Variants in NRF1 observed in about 807,000 individuals in gnomAD.
NRF1 encodes nuclear respiratory factor 1.
A neutral mutation model predicts 58.5 loss-of-function variants in NRF1; 5 were observed. The ratio of observed to expected loss-of-function variants is 0.09; its 90% CI spans 0.04 to 0.18. The LOEUF is 0.18. Among genes scored for constraint, NRF1 ranks in the 10% least tolerant of loss-of-function variants. The pLI, the probability that NRF1 is intolerant of heterozygous loss-of-function variation, is 1.00. For synonymous variants in NRF1, 224 were observed against 246.7 expected (o/e 0.91, Z 0.86); for missense variants, 288 against 657.7 (o/e 0.44, Z 6.15).
intron 10 of NRF1, among the ~76,000 whole-genome samples, chr7:129,753,233 A>AG (rs1804166082): frequency 6.6e-6 from 1 of 152,202 alleles, no homozygotes; most frequent in South Asian, 2.1e-4. Context: ...AAGAACTAAA[A>AG]GGGGCCTCTC....
chr7:129,620,190 C>T (rs983359955), intron 1 of NRF1, among the ~76,000 whole-genome samples: 7 of 151,974 alleles, frequency 4.6e-5, no homozygotes, highest in African/African-American at 1.7e-4. Flanking sequence ...TGGAAAGATA[C>T]GAGGAACTTC....
chr7:129,740,464 G>A (rs1014559169), intron 10 of NRF1, among the ~76,000 whole-genome samples: 2 of 152,164 alleles, frequency 1.3e-5, no homozygotes, highest in Non-Finnish European at 2.9e-5. Context: ...TCTCCCACAA[G>A]GATCCCTACT....
chr7:129,683,161 C>G (rs772290206), intron 4 of NRF1, among the ~76,000 whole-genome samples: 3 of 151,896 alleles, frequency 2.0e-5, no homozygotes, highest in Non-Finnish European at 4.4e-5. Flanking sequence ...CCTTGGCCTC[C>G]CAAAGCGTTG....
In NRF1 at chr7:129,685,556, AGTGTGTGTGTGT is replaced by A. The variant is rs67721424; in HGVS notation, c.466-4813_466-4802del. Among the ~76,000 whole-genome samples, 1,397 of 143,080 alleles carry A rather than the reference AGTGTGTGTGTGT, an allele frequency of 9.8e-3. 27 individuals carry two copies. The highest frequency in any genetic ancestry group is 0.034 in the African/African-American group (1,258 of 37,418). The allele number at this position is 143,080 out of a possible 152,430, so 93.9% of individuals were successfully genotyped here. On this transcript the variant is annotated intron_variant, in intron 4 of 10. Transcript: ENST00000393232. ...AACATGTAAGACCCTGTCTCATTCA[AGTGTGTGTGTGT>A]GTGTGTGTGTGTGTGTGTGTGTGTG...
chr7:129,659,974 A>G (rs576485727), intron 2 of NRF1, among the ~76,000 whole-genome samples: 102 of 152,328 alleles, frequency 6.7e-4, no homozygotes, highest in South Asian at 4.4e-3. Flanking sequence ...GGGAAGAAAG[A>G]GGTTTTAATG....
At chr7:129,754,784 T>C (rs1176514968) in intron 10 of NRF1, among the ~76,000 whole-genome samples, 2 of 152,154 alleles carry the variant, frequency 1.3e-5, no homozygotes, top group Non-Finnish European at 2.9e-5. Context: ...AAACATCACA[T>C]TGTACCCCAT....
chr7:129,744,556 A>ATTC (rs1803927488), intron 10 of NRF1, among the ~76,000 whole-genome samples: 2 of 152,180 alleles, frequency 1.3e-5, no homozygotes, highest in Admixed American at 6.5e-5. Context: ...TCTAGTTGGG[A>ATTC]TTCTTTTATA....
chr7:129,667,741 G>GTATT lies in NRF1; in HGVS notation c.224-3647_224-3644dup, dbSNP rs140688640. On this transcript the variant is annotated intron_variant, in intron 2 of 10. Transcript: ENST00000393232. ...ATTTTTTTAATTTTCAATTTTAAAG[G>GTATT]TATTTATTTATTTATTTATTTATTT... Among the ~76,000 whole-genome samples the GTATT allele has an allele frequency of 4.4e-4, 63 of 144,474 alleles. 1 individual carries two copies. The highest frequency in any genetic ancestry group is 1.5e-3 in the African/African-American group (61 of 39,396). The allele number at this position is 144,474 out of a possible 152,430, so 94.8% of individuals were successfully genotyped here. A position where few individuals can be genotyped will look rare whatever the true frequency, so the allele number is the denominator to read the frequency against.
chr7:129,722,394 A>G (rs796094233), intron 9 of NRF1, among the ~76,000 whole-genome samples: 114 of 141,952 alleles, frequency 8.0e-4, no homozygotes, highest in African/African-American at 2.7e-3. Flanking sequence ...TCCGTCTCAG[A>G]AAAAAAAAAA....
chr7:129,674,976 T>C (rs79015996), intron 3 of NRF1, among the ~76,000 whole-genome samples: 6,479 of 152,294 alleles, frequency 0.043, 167 homozygotes, highest in Middle Eastern at 0.12. Context: ...TTTGATAGCA[T>C]TTTACCCACA....
chr7:129,634,330 T>G (rs773530195), intron 1 of NRF1, among the ~76,000 whole-genome samples: 1 of 152,082 alleles, frequency 6.6e-6, no homozygotes, highest in African/African-American at 2.4e-5. Flanking sequence ...AATCCAGAAG[T>G]CTCCTGGTGC....
At chr7:129,630,909 AATT>A (rs1237897779) in intron 1 of NRF1, among the ~76,000 whole-genome samples, 1 of 152,188 alleles carries the variant, frequency 6.6e-6, no homozygotes, top group Non-Finnish European at 1.5e-5. Context: ...AACCTAAAAA[AATT>A]ATTTTGTAGG....
chr7:129,746,971 A>G (rs1161737679), intron 10 of NRF1, among the ~76,000 whole-genome samples: 1 of 152,208 alleles, frequency 6.6e-6, no homozygotes, highest in African/African-American at 2.4e-5. Flanking sequence ...AAGGTTTCCC[A>G]GACTGTGAGG....
At chr7:129,628,787 G>A (rs550374870) in intron 1 of NRF1, among the ~76,000 whole-genome samples, 1 of 152,352 alleles carries the variant, frequency 6.6e-6, no homozygotes, top group Non-Finnish European at 1.5e-5. Flanking sequence ...GAGTTGCAAT[G>A]TGAAATCTGA....
chr7:129,678,893 T>C (rs1030737765), intron 4 of NRF1, among the ~76,000 whole-genome samples: 2 of 152,110 alleles, frequency 1.3e-5, no homozygotes, highest in South Asian at 4.1e-4. Flanking sequence ...GAGTCCTCCA[T>C]AGAATACAAG....
intron 8 of NRF1, among the ~76,000 whole-genome samples, chr7:129,711,959 A>G (rs1275648698): frequency 6.6e-6 from 1 of 152,210 alleles, no homozygotes; most frequent in Non-Finnish European, 1.5e-5. Context: ...CTTTGAAAGG[A>G]TAAATATGTT....
chr7:129,644,146 TA>T (rs1327262676), intron 1 of NRF1, among the ~76,000 whole-genome samples: 17 of 152,262 alleles, frequency 1.1e-4, no homozygotes, highest in African/African-American at 3.9e-4. Context: ...ATTTGTTTTT[TA>T]AATGGCGAAA....
chr7:129,623,518 A>C (rs1562951627), intron 1 of NRF1, among the ~76,000 whole-genome samples: 1 of 152,178 alleles, frequency 6.6e-6, no homozygotes, highest in Non-Finnish European at 1.5e-5. Flanking sequence ...CTGTGTAAAG[A>C]ATAACTGGAA....
At chr7:129,674,808 T>G (rs1802138424) in intron 3 of NRF1, among the ~76,000 whole-genome samples, 1 of 152,210 alleles carries the variant, frequency 6.6e-6, no homozygotes, top group East Asian at 1.9e-4. Context: ...TATTGCTGGT[T>G]GACGGTCTTG....
Sources: gnomAD v4.1 joint callset for allele counts (sites outside exome capture counted in the v4.1 genomes callset) on GRCh38, gnomAD v4.1.1 for gene constraint, MANE v1.5 for transcripts, NCBI Gene and HGNC (gene_info 2026-07-23, HGNC 2026-07-21) for gene names.